C19orf44: variants seen among roughly 807,000 people sequenced by gnomAD.
The protein encoded by C19orf44 is uncharacterized protein C19orf44.
C19orf44 carries 43 observed loss-of-function variants against 50.7 expected under a neutral mutation model. The observed-to-expected ratio is 0.85, with a 90% CI of 0.66 to 1.09. C19orf44 has a LOEUF of 1.09. Among genes scored for constraint, C19orf44 ranks in the 50% least tolerant of loss-of-function variants. The probability of loss-of-function intolerance (pLI) is 0.00; values close to 1 mark genes in which losing one functional copy is unlikely to be tolerated. For missense variants in C19orf44, 722 were observed against 836.2 expected, an observed-to-expected ratio of 0.86 and a Z score of 1.68; for synonymous variants, 298 against 334.7, an observed-to-expected ratio of 0.89 and a Z score of 1.20.
At chr19:16,499,501 T>C (rs9305080) in intron 1 of C19orf44, 58,930 of 151,694 alleles carry the variant, frequency 0.39, 13,103 homozygotes, top group African/African-American at 0.62. Context: ...GGTCTCGATC[T>C]CCTGACCTCG....
chr19:16,514,431 TG>T (rs377427270), intron 6 of C19orf44, 65 bp from the exon 7 acceptor site: 11,243 of 1,022,748 alleles, frequency 0.011, 2 homozygotes, highest in Admixed American at 0.019. Flanking sequence ...ACCTGAGCGG[TG>T]GGGGGGGGGC....
At chr19:16,517,171 T>A in intron 7 of C19orf44, 59 bp from the exon 8 acceptor site, 1 of 1,504,150 alleles carries the variant, frequency 6.6e-7, no homozygotes, top group Non-Finnish European at 9.2e-7. Flanking sequence ...TCCAGCACCC[T>A]GTCTCAGAGT....
At chr19:16,500,669 C>A in intron 1 of C19orf44, 123 bp from the exon 2 acceptor site, 1 of 977,920 alleles carries the variant, frequency 1.0e-6, no homozygotes, top group Non-Finnish European at 1.5e-6. Flanking sequence ...CATCCTTGGG[C>A]TTGAAGGGAA....
chr19:16,508,056 C>T (rs886978043), intron 4 of C19orf44, among the ~76,000 whole-genome samples: 8 of 151,524 alleles, frequency 5.3e-5, no homozygotes, highest in South Asian at 4.2e-4. Context: ...CCGCCCGCCT[C>T]GGCCTCCCAG....
intron 7 of C19orf44, among the ~76,000 whole-genome samples, chr19:16,516,400 C>T (rs562634351): frequency 1.1e-3 from 171 of 152,126 alleles, no homozygotes; most frequent in African/African-American, 4.0e-3. Context: ...AGGGAGAAAG[C>T]GGGACTCTGT....
chr19:16,511,468 A>G (rs1024311971), intron 5 of C19orf44, among the ~76,000 whole-genome samples: 24 of 152,316 alleles, frequency 1.6e-4, no homozygotes, highest in South Asian at 1.0e-3. Context: ...GACTACAGGC[A>G]TGAGCCACCA....
intron 8 of C19orf44, 27 bp downstream of exon 8, chr19:16,517,368 C>A: frequency 6.9e-7 from 1 of 1,459,700 alleles, no homozygotes; most frequent in Non-Finnish European, 9.5e-7. Context: ...ACTCAGTGCA[C>A]ACACACGCAC....
At position 16,503,176 on chromosome 19, in the gene C19orf44, A is replaced by C. The variant is rs776040312; in HGVS notation, c.871A>C (p.Ser291Arg). Residue 291 changes from serine to arginine, a missense_variant, in exon 3 of 9, where the codon AGC becomes CGC. Physicochemically the swap from Ser to Arg is moderately radical, Grantham distance 110 (BLOSUM62 -1). Transcript: ENST00000221671. ...TSLAADRTLH[S>R]TRSRADYPQS... is the part of the protein sequence containing the mutation. ...CCTGGCAGCAGACAGAACCCTTCACAGCACTCGCTCAAGAGCAGACTACCC... is the reference window on the plus strand; with the variant it reads ...CCTGGCAGCAGACAGAACCCTTCACCGCACTCGCTCAAGAGCAGACTACCC... 1 of 1,614,124 alleles carries C rather than the reference A, an allele frequency of 6.2e-7. No individual in the cohort carries two copies. Among genetic ancestry groups the C allele is most frequent in the South Asian group, 1.1e-5 (1 of 91,078 alleles).
chr19:16,519,602 C>T lies in C19orf44; in HGVS notation c.*41-492C>T. 6.2e-7 allele frequency: 1 copy of T among 1,608,606 alleles called. No individual in the cohort carries two copies. The highest frequency in any genetic ancestry group is 1.3e-5 in the African/African-American group (1 of 74,912). On this transcript the variant is annotated intron_variant, in intron 8 of 8. Coordinates refer to ENST00000221671, the MANE Select transcript of C19orf44 (RefSeq NM_032207.4). The surrounding 1 kb of genome is among the most constrained non-coding windows in gnomAD (Gnocchi z 6.0). ...CGCGTGAGGACCCATCCCGCGCCCTCCCCATTCCCTCGCCTTACCCATCTT... is the reference window on the plus strand; with the variant it reads ...CGCGTGAGGACCCATCCCGCGCCCTTCCCATTCCCTCGCCTTACCCATCTT...
rs1350703144 is a variant in C19orf44 at position 16,517,222 on chromosome 19, C to T, written c.1903-8C>T. ...TGGTGATGGCGTGGTCTGTTCTCTG[C>T]CTGACAGTACATTAGGTGCCACAGA... On this transcript the variant is annotated splice_region_variant and splice_polypyrimidine_tract_variant and intron_variant, in intron 7 of 8. Transcript: ENST00000221671. 1.2e-6 allele frequency: 2 copies of T among 1,613,724 alleles called. No homozygotes were observed. The highest frequency in any genetic ancestry group is 1.7e-6 in the Non-Finnish European group (2 of 1,179,724).
intron 2 of C19orf44, among the ~76,000 whole-genome samples, chr19:16,502,324 G>A (rs1332072660): frequency 7.1e-6 from 1 of 140,056 alleles, no homozygotes; most frequent in East Asian, 2.1e-4. Context: ...TGCAACTTCT[G>A]CCTCCTGGGT....
intron 3 of C19orf44, among the ~76,000 whole-genome samples, chr19:16,505,466 G>T (rs902209184): frequency 3.5e-5 from 5 of 143,040 alleles, no homozygotes; most frequent in Admixed American, 7.0e-5. Context: ...CACCTGCCTC[G>T]GCCTCCCAAA....
intron 3 of C19orf44, among the ~76,000 whole-genome samples, chr19:16,504,093 G>A (rs1018786232): frequency 1.3e-5 from 2 of 152,116 alleles, no homozygotes; most frequent in South Asian, 2.1e-4. Flanking sequence ...CAGGAGGATC[G>A]TTTGAGCCTG....
chr19:16,507,791 C>CTATTATTATTAT (rs558130158), intron 4 of C19orf44, among the ~76,000 whole-genome samples: 25 of 149,364 alleles, frequency 1.7e-4, no homozygotes, highest in African/African-American at 6.2e-4. Flanking sequence ...TGCGCCTGGC[C>CTATTATTATTAT]TATTATTATT....
rs530416077 is a variant in C19orf44, at chr19:16,514,879, C to G, written c.1902+216C>G. On this transcript the variant is annotated intron_variant, in intron 7 of 8. Coordinates refer to ENST00000221671, the MANE Select transcript of C19orf44 (RefSeq NM_032207.4). ...CAGGGTGGGGTGCTGAGCTCCTGCA[C>G]CTTGCAGCCAGCCCCGCCTGGGCTG... Among the ~76,000 whole-genome samples, 361 of 152,330 alleles carry G rather than the reference C, an allele frequency of 2.4e-3. 1 individual carries two copies. The highest frequency in any genetic ancestry group is 8.4e-3 in the African/African-American group (349 of 41,586).
Position 16,509,509 on chromosome 19 carries a change from C to T in C19orf44, c.1160C>T (p.Ala387Val). 1 of 1,540,910 alleles carries T rather than the reference C, an allele frequency of 6.5e-7. No individual in the cohort carries two copies. The highest frequency in any genetic ancestry group is 8.7e-7 in the Non-Finnish European group (1 of 1,147,908). The change falls in exon 5 of 9, where the codon GCT becomes GTT. Residue 387 changes from alanine (A) to valine (V), a missense_variant. Transcript: ENST00000221671. ...NSDLEQEEES[A>V]QRQKTAGKIF... ...CATTCTTCATTTTAGGAGGAAAGTG[C>T]TCAGAGACAAAAAACAGCTGGCAAA...
chr19:16,501,183 G>A lies in C19orf44; in HGVS notation c.391G>A (p.Ala131Thr). 6.2e-7 allele frequency: 1 copy of A among 1,614,132 alleles called. No individual in the cohort carries two copies. Reference sequence around the variant, plus strand: ...CGCCGATGCTGGTCTTCCAAAGAGAGCTGACAGAATCCTCTCTGGGGGTGC... The same window carrying A: ...CGCCGATGCTGGTCTTCCAAAGAGAACTGACAGAATCCTCTCTGGGGGTGC... ...MTADAGLPKR[A>T]DRILSGGALE... Residue 131 changes from alanine (A) to threonine (T), a missense_variant, in exon 2 of 9, where the codon GCT (alanine) becomes ACT (threonine). Transcript: ENST00000221671.
chr19:16,514,578 A>G lies in C19orf44; in HGVS notation c.1817A>G (p.Gln606Arg). The G allele has an allele frequency of 6.2e-7, 1 of 1,609,616 alleles. No homozygotes were observed. Among genetic ancestry groups the G allele is most frequent in the South Asian group, 1.1e-5 (1 of 90,470 alleles). Reference protein sequence around the residue: ...QQLSLTQQFIQASRHLHASLL... With the variant: ...QQLSLTQQFIRASRHLHASLL... ...CTGAGCCTGACGCAGCAGTTCATCCAGGCCAGCCGGCACCTGCACGCCTCC... is the reference window on the plus strand; with the variant it reads ...CTGAGCCTGACGCAGCAGTTCATCCGGGCCAGCCGGCACCTGCACGCCTCC... The change falls in exon 7 of 9, where the codon CAG becomes CGG. Residue 606 changes from glutamine to arginine, a missense_variant. By Grantham distance (43) the Gln-to-Arg change is conservative. Coordinates refer to ENST00000221671, the MANE Select transcript of C19orf44 (RefSeq NM_032207.4).
rs571923625 is a variant in C19orf44 at position 16,521,115 on chromosome 19, C to T, written c.*1062C>T. On this transcript the variant is annotated 3_prime_UTR_variant, in exon 9 of 9. Transcript: ENST00000221671. ...AGCCCAGTGGCTCCTCTGGTGCCCA[C>T]GCCCTTGCCACCCTGCTGTTCCGCT... The T allele has an allele frequency of 1.3e-4, 80 of 611,892 alleles. No individual in the cohort carries two copies. In the East Asian group the frequency reaches 1.4e-3, roughly 11 times the overall value. The allele number at this position is 611,892 out of a possible 1,614,324, so 37.9% of individuals were successfully genotyped here. A position where few individuals can be genotyped will look rare whatever the true frequency, so the allele number is the denominator to read the frequency against.
Sources: gnomAD v4.1 joint callset for allele counts (sites outside exome capture counted in the v4.1 genomes callset) on GRCh38, gnomAD v4.1.1 for gene constraint, Gnocchi (gnomAD v3.1) non-coding constraint, MANE v1.5 for transcripts, NCBI Gene and HGNC (gene_info 2026-07-23, HGNC 2026-07-21) for gene names.